Variants in PTPRT observed in about 807,000 individuals in gnomAD.
PTPRT encodes the protein protein tyrosine phosphatase receptor type T.
Under a neutral mutation model 176.8 loss-of-function variants are expected in PTPRT, and 56 were observed. The ratio of observed to expected loss-of-function variants is 0.32; its 90% CI spans 0.26 to 0.40. The LOEUF (loss-of-function observed/expected upper bound fraction) is 0.40, where lower values mean the gene tolerates loss of function less well. PTPRT is among the 10% of genes least tolerant of loss of function. The probability of loss-of-function intolerance (pLI) is 1.00; values close to 1 mark genes in which losing one functional copy is unlikely to be tolerated. For synonymous variants in PTPRT, 783 were observed against 739.0 expected (o/e 1.06, Z -0.96); for missense variants, 1,540 against 1,908.2 (o/e 0.81, Z 3.60).
At chr20:42,139,661 C>T (rs1988532138) in intron 18 of PTPRT, among the ~76,000 whole-genome samples, 1 of 152,210 alleles carries the variant, frequency 6.6e-6, no homozygotes, top group African/African-American at 2.4e-5. Flanking sequence ...GGAGAAAGTC[C>T]TCAGTCTAAG....
chr20:42,967,589 GAACA>G (rs1233352853), intron 1 of PTPRT, among the ~76,000 whole-genome samples: 1 of 152,238 alleles, frequency 6.6e-6, no homozygotes, highest in African/African-American at 2.4e-5. Flanking sequence ...AACTGTGAGA[GAACA>G]AATTTGTGTT....
At chr20:42,578,010 G>A (rs1266713543) in intron 7 of PTPRT, among the ~76,000 whole-genome samples, 2 of 150,968 alleles carry the variant, frequency 1.3e-5, no homozygotes, top group Admixed American at 1.3e-4. Flanking sequence ...TTAGGAGGTG[G>A]GACGCTAGCA....
chr20:42,976,023 GC>G (rs60118163), intron 1 of PTPRT, among the ~76,000 whole-genome samples: 17,131 of 151,894 alleles, frequency 0.11, 2,726 homozygotes, highest in African/African-American at 0.36. Flanking sequence ...TCCCTGCAAG[GC>G]CAGCGTTATC....
intron 1 of PTPRT, among the ~76,000 whole-genome samples, chr20:43,091,537 T>TCA (rs1054283005): frequency 1.4e-5 from 2 of 144,674 alleles, no homozygotes; most frequent in African/African-American, 2.6e-5. Flanking sequence ...TCTCTCTCTC[T>TCA]CACACACACA....
chr20:42,622,219 A>G (rs544850505), intron 7 of PTPRT, among the ~76,000 whole-genome samples: 1 of 151,828 alleles, frequency 6.6e-6, no homozygotes, highest in Non-Finnish European at 1.5e-5. Context: ...TTTGGAGTAC[A>G]TGTAGCTTTT....
chr20:43,013,069 AT>A (rs1037435324), intron 1 of PTPRT, among the ~76,000 whole-genome samples: 237 of 150,902 alleles, frequency 1.6e-3, no homozygotes, highest in African/African-American at 5.4e-3. Flanking sequence ...CTTTTTATGA[AT>A]TTTTTTTTCC....
intron 1 of PTPRT, among the ~76,000 whole-genome samples, chr20:42,922,110 A>G (rs1255116482): frequency 6.6e-6 from 1 of 152,000 alleles, no homozygotes; most frequent in African/African-American, 2.4e-5. Context: ...TAATTTTTGT[A>G]TTTTTAGTAG....
At chr20:43,075,265 G>A (rs890065445) in intron 1 of PTPRT, among the ~76,000 whole-genome samples, 3 of 152,260 alleles carry the variant, frequency 2.0e-5, no homozygotes, top group African/African-American at 4.8e-5. Context: ...AGAAGGTAGC[G>A]TTGCATGGCA....
chr20:42,178,314 C>T (rs2146575153), intron 16 of PTPRT, among the ~76,000 whole-genome samples: 1 of 152,240 alleles, frequency 6.6e-6, no homozygotes, highest in African/African-American at 2.4e-5. Flanking sequence ...GTGTGCAAGT[C>T]ATAAGGGAGT....
intron 1 of PTPRT, among the ~76,000 whole-genome samples, chr20:43,042,157 G>T (rs1042768122): frequency 6.6e-6 from 1 of 152,142 alleles, no homozygotes; most frequent in Non-Finnish European, 1.5e-5. Context: ...TGCTCATTAC[G>T]GGCTATTTTC....
At chr20:42,635,684 A>G (rs2074581617) in intron 7 of PTPRT, among the ~76,000 whole-genome samples, 1 of 152,186 alleles carries the variant, frequency 6.6e-6, no homozygotes, top group Non-Finnish European at 1.5e-5. Context: ...AATCTGAATT[A>G]CACATACAGT....
At chr20:42,037,365 T>C in the PTPRT span, among the ~76,000 whole-genome samples, 5 of 152,136 alleles carry the variant, frequency 3.3e-5, no homozygotes, top group Admixed American at 1.3e-4. Flanking sequence ...CAGGGAACAG[T>C]GAGCTCAGAG....
At chr20:42,482,831 T>C (rs763671295) in intron 7 of PTPRT, among the ~76,000 whole-genome samples, 11 of 152,164 alleles carry the variant, frequency 7.2e-5, no homozygotes, top group Non-Finnish European at 1.6e-4. Context: ...TGAGCATCTA[T>C]AGGGTGGCAA....
intron 30 of PTPRT, among the ~76,000 whole-genome samples, 161 bp downstream of exon 30, chr20:42,081,721 G>C (rs1983346757): frequency 6.6e-6 from 1 of 152,174 alleles, no homozygotes; most frequent in African/African-American, 2.4e-5. Flanking sequence ...AGGTTGGAAG[G>C]GGAAGACACA....
rs1452881870 is a variant in PTPRT, at chr20:42,699,818, A to C, written c.860-21659T>G. 2.0e-5 allele frequency among the ~76,000 whole-genome samples: 3 copies of C among 152,150 alleles called. No homozygotes were observed. In the East Asian group the frequency reaches 5.8e-4, roughly 29 times the overall value. ...TTACAAAGGAATTCTGAATCGACAA[A>C]ATTTTTCTGTGATTGTGTTACCAGT... On this transcript the variant is annotated intron_variant, in intron 6 of 30. Transcript: ENST00000373187.
chr20:42,083,314 C>T (rs761103691), intron 29 of PTPRT, among the ~76,000 whole-genome samples: 65 of 152,096 alleles, frequency 4.3e-4, no homozygotes, highest in Admixed American at 1.9e-3. Context: ...GTAAGGTCAC[C>T]TGAATGTGTG....
chr20:42,064,476 G>A, the PTPRT span, among the ~76,000 whole-genome samples: 13 of 151,974 alleles, frequency 8.6e-5, no homozygotes, highest in East Asian at 1.7e-3. Context: ...CCATTCCTGG[G>A]CTTCCTGTAT....
chr20:42,717,821 AC>A (rs1346369876), intron 6 of PTPRT, among the ~76,000 whole-genome samples: 1 of 152,252 alleles, frequency 6.6e-6, no homozygotes, highest in Non-Finnish European at 1.5e-5. Flanking sequence ...ATATAAAAAA[AC>A]AAAAGACCTG....
At chr20:42,678,352 G>A (rs144040683) in intron 6 of PTPRT, among the ~76,000 whole-genome samples, 193 bp from the exon 7 acceptor site, 1 of 152,080 alleles carries the variant, frequency 6.6e-6, no homozygotes, top group Non-Finnish European at 1.5e-5. Flanking sequence ...TCAGGCTGGA[G>A]TGCAGTGGGG....
Sources: allele counts gnomAD v4.1 joint callset (sites outside exome capture counted in the v4.1 genomes callset), GRCh38; gene constraint gnomAD v4.1.1; transcripts MANE v1.5; gene names NCBI Gene and HGNC (gene_info 2026-07-23, HGNC 2026-07-21).